TAFA5: variants seen among roughly 807,000 people sequenced by gnomAD.
TAFA5 encodes TAFA chemokine like family member 5.
Under a neutral mutation model 15.3 loss-of-function variants are expected in TAFA5, and 6 were observed. The observed-to-expected ratio is 0.39, with a 90% CI of 0.21 to 0.77. The LOEUF is 0.77. Ranked by LOEUF, TAFA5 falls within the 30% of genes least tolerant of loss-of-function variation. The pLI is 0.41. For missense variants in TAFA5, 161 were observed against 193.1 expected (o/e 0.83, Z 0.98); for synonymous variants, 103 against 80.7 (o/e 1.28, Z -1.48).
chr22:48,691,373 C>T (rs62224994), intron 2 of TAFA5, among the ~76,000 whole-genome samples: 13,656 of 152,232 alleles, frequency 0.09, 868 homozygotes, highest in Admixed American at 0.21. Flanking sequence ...TTTTTGGTAT[C>T]GTCATCCTCC....
intron 2 of TAFA5, among the ~76,000 whole-genome samples, chr22:48,699,441 C>A (rs776960160): frequency 6.6e-6 from 1 of 152,140 alleles, no homozygotes; most frequent in Non-Finnish European, 1.5e-5. Context: ...TTTTGCAGGG[C>A]AGATGCTTCT....
chr22:48,701,810 C>G (rs1447355427), intron 2 of TAFA5, among the ~76,000 whole-genome samples: 1 of 152,194 alleles, frequency 6.6e-6, no homozygotes, highest in Admixed American at 6.5e-5. Context: ...GCCTCCCTCC[C>G]CTGAAACACA....
chr22:48,571,435 C>T (rs561553092), intron 1 of TAFA5, among the ~76,000 whole-genome samples: 1 of 151,656 alleles, frequency 6.6e-6, no homozygotes, highest in East Asian at 1.9e-4. Context: ...CTACCACGCC[C>T]AGCTAATTTT....
rs1191217395 is a variant in TAFA5 at position 48,598,351 on chromosome 22, G to A, written c.113-48246G>A. Among the ~76,000 whole-genome samples the A allele has an allele frequency of 1.3e-5, 2 of 152,168 alleles. No homozygotes were observed. The highest frequency in any genetic ancestry group is 1.5e-5 in the Non-Finnish European group (1 of 68,022). Reference sequence around the variant, plus strand: ...CCAAACCTGTGGGCACTGTGGCTCCGTCAAGTTGACACATGTTACCCATCA... The same window carrying A: ...CCAAACCTGTGGGCACTGTGGCTCCATCAAGTTGACACATGTTACCCATCA... On this transcript the variant is annotated intron_variant, in intron 1 of 3. Coordinates refer to ENST00000402357, the MANE Select transcript of TAFA5 (RefSeq NM_001082967.3). This position sits in a 1 kb window ranked among gnomAD's most constrained non-coding sequence, Gnocchi z 4.0.
intron 1 of TAFA5, among the ~76,000 whole-genome samples, chr22:48,603,630 G>C (rs528844523): frequency 6.6e-6 from 1 of 152,172 alleles, no homozygotes. Flanking sequence ...CTGGCCCTGC[G>C]CTGAGCCGAA....
chr22:48,693,209 C>T, intron 2 of TAFA5: 1 of 1,339,246 alleles, frequency 7.5e-7, no homozygotes, highest in South Asian at 1.4e-5. Flanking sequence ...GACGGGGCCT[C>T]ACTCGTCCTC....
intron 2 of TAFA5, among the ~76,000 whole-genome samples, chr22:48,701,627 GT>G (rs1928908819): frequency 6.6e-6 from 1 of 152,234 alleles, no homozygotes; most frequent in South Asian, 2.1e-4. Context: ...TTTTTGGCAA[GT>G]TGGACTTTCG....
At position 48,665,413 on chromosome 22, in the gene TAFA5, C is replaced by T. The variant is rs117448056; in HGVS notation, c.262+18667C>T. On this transcript the variant is annotated intron_variant, in intron 2 of 3. Transcript: ENST00000402357. ...GCTAAGTCGAATTGATTCATCTTTT[C>T]CCTTCCAGGTCGTGTGTTTTGCATT... Among the ~76,000 whole-genome samples the T allele has an allele frequency of 2.5e-3, 377 of 152,264 alleles. 9 individuals are homozygous for T. In the East Asian group the frequency reaches 0.058, roughly 24 times the overall value.
chr22:48,506,087 C>A (rs911059893), intron 1 of TAFA5, among the ~76,000 whole-genome samples: 1 of 152,168 alleles, frequency 6.6e-6, no homozygotes, highest in African/African-American at 2.4e-5. Flanking sequence ...CTTCCCTGCA[C>A]ACCCCACGGG....
chr22:48,489,949 C>A lies in TAFA5; in HGVS notation c.112+245C>A, dbSNP rs1047283499. Among the ~76,000 whole-genome samples, 1 of 151,810 alleles carries A rather than the reference C, an allele frequency of 6.6e-6. No homozygotes were observed. The highest frequency in any genetic ancestry group is 1.5e-5 in the Non-Finnish European group (1 of 67,918). On this transcript the variant is annotated intron_variant, in intron 1 of 3. Coordinates refer to ENST00000402357, the MANE Select transcript of TAFA5 (RefSeq NM_001082967.3). This position sits in a 1 kb window ranked among gnomAD's most constrained non-coding sequence, Gnocchi z 5.5. The stretch of plus-strand genomic sequence containing the variant: ...GCCCGAGCCTCCCTTCCCTGACTCC[C>A]CGGCAGGGCCCGGGCTCCAGGCCCC...
At chr22:48,715,705 G>A (rs1929383264) in intron 3 of TAFA5, among the ~76,000 whole-genome samples, 1 of 152,176 alleles carries the variant, frequency 6.6e-6, no homozygotes, top group Admixed American at 6.5e-5. Flanking sequence ...GTGAGTGGTG[G>A]GGCCTGCTGG....
intron 3 of TAFA5, among the ~76,000 whole-genome samples, chr22:48,716,236 C>G (rs1176891872): frequency 6.6e-6 from 1 of 152,178 alleles, no homozygotes; most frequent in African/African-American, 2.4e-5. Flanking sequence ...TATTGCAGCA[C>G]TATTTACAAT....
At chr22:48,626,429 G>C (rs1926028150) in intron 1 of TAFA5, among the ~76,000 whole-genome samples, 1 of 152,212 alleles carries the variant, frequency 6.6e-6, no homozygotes, top group African/African-American at 2.4e-5. Context: ...TCAATTTGAA[G>C]TGTCCTGATG....
At chr22:48,600,824 C>T (rs1385664382) in intron 1 of TAFA5, among the ~76,000 whole-genome samples, 7 of 152,204 alleles carry the variant, frequency 4.6e-5, no homozygotes. Flanking sequence ...TGCTGCGTAC[C>T]CACTGGTCAC....
chr22:48,565,610 G>C (rs1923383043), intron 1 of TAFA5, among the ~76,000 whole-genome samples: 1 of 152,208 alleles, frequency 6.6e-6, no homozygotes, highest in South Asian at 2.1e-4. Flanking sequence ...GTCATTCTCA[G>C]GTCTTAGGTT....
chr22:48,531,661 C>A lies in TAFA5; in HGVS notation c.112+41957C>A, dbSNP rs187102266. ...CGCCTGCAGGAGAAATGCCTTTAGA[C>A]CCCCAGCGCGCCCTCCTGCTGAGCT... is the stretch of plus-strand genomic sequence containing the variant. On this transcript the variant is annotated intron_variant, in intron 1 of 3. Coordinates refer to ENST00000402357, the MANE Select transcript of TAFA5 (RefSeq NM_001082967.3). Among the ~76,000 whole-genome samples the A allele has an allele frequency of 2.0e-3, 305 of 149,990 alleles. 1 individual carries two copies. Among genetic ancestry groups the A allele is most frequent in the African/African-American group, 7.2e-3 (290 of 40,044 alleles).
chr22:48,579,017 G>A (rs1429885472), intron 1 of TAFA5, among the ~76,000 whole-genome samples: 1 of 152,226 alleles, frequency 6.6e-6, no homozygotes, highest in Non-Finnish European at 1.5e-5. Flanking sequence ...TGTTTAAATA[G>A]CCATTTTCAT....
At chr22:48,643,259 C>G (rs1273824914) in intron 1 of TAFA5, among the ~76,000 whole-genome samples, 1 of 152,092 alleles carries the variant, frequency 6.6e-6, no homozygotes, top group Non-Finnish European at 1.5e-5. Context: ...CTGTGGCGAT[C>G]TGTTACGCAG....
chr22:48,570,079 C>T (rs933043773), intron 1 of TAFA5, among the ~76,000 whole-genome samples: 2 of 152,226 alleles, frequency 1.3e-5, no homozygotes, highest in Admixed American at 1.3e-4. Flanking sequence ...CCACACTCCC[C>T]TGGCAGGGCC....
Sources: gnomAD v4.1 joint callset for allele counts (sites outside exome capture counted in the v4.1 genomes callset) on GRCh38, gnomAD v4.1.1 for gene constraint, Gnocchi (gnomAD v3.1) non-coding constraint, MANE v1.5 for transcripts, NCBI Gene and HGNC (gene_info 2026-07-23, HGNC 2026-07-21) for gene names.